The following HIBADH variants were observed in gnomAD, a reference collection of about 807,000 sequenced individuals.
HIBADH encodes the protein 3-hydroxyisobutyrate dehydrogenase, mitochondrial.
HIBADH carries 25 observed loss-of-function variants against 36.1 expected under a neutral mutation model. The ratio of observed to expected loss-of-function variants is 0.69; its 90% CI spans 0.50 to 0.97. The LOEUF (loss-of-function observed/expected upper bound fraction) is 0.97. Among genes scored for constraint, HIBADH ranks in the 50% least tolerant of loss-of-function variants. The pLI is 0.00. For synonymous variants in HIBADH, 160 were observed against 149.5 expected, an observed-to-expected ratio of 1.07 and a Z score of -0.51; for missense variants, 421 against 418.0, an observed-to-expected ratio of 1.01 and a Z score of -0.06.
intron 4 of HIBADH, 108 bp from the exon 5 acceptor site, chr7:27,543,208 C>G: frequency 9.0e-7 from 1 of 1,109,564 alleles, no homozygotes; most frequent in Admixed American, 2.2e-5. Flanking sequence ...TGCCTCCAAT[C>G]TGTATTTATG....
rs758334196 is a variant in HIBADH, at chr7:27,598,713, A to G, written c.484+30658T>C. ...ATAAAGGTCTCCAAACACTTTCCCA[A>G]AAAAGGGCCATATACCTAACACCAC... is the stretch of plus-strand genomic sequence containing the variant. On this transcript the variant is annotated intron_variant, in intron 4 of 7. Transcript: ENST00000265395. 7.6e-4 allele frequency among the ~76,000 whole-genome samples: 116 copies of G among 152,152 alleles called. 1 individual carries two copies. The highest frequency in any genetic ancestry group is 6.9e-4 in the Non-Finnish European group (47 of 68,016).
chr7:27,661,619 G>A (rs1050538845), intron 1 of HIBADH, among the ~76,000 whole-genome samples: 3 of 149,514 alleles, frequency 2.0e-5, no homozygotes, highest in Admixed American at 2.0e-4. Context: ...AGGGCGGGGG[G>A]CCAAGGGGCT....
chr7:27,546,278 G>T (rs1421958487), intron 4 of HIBADH, among the ~76,000 whole-genome samples: 1 of 151,714 alleles, frequency 6.6e-6, no homozygotes, highest in Non-Finnish European at 1.5e-5. Flanking sequence ...ATTTGTTTTT[G>T]TTGTTGTTGT....
At chr7:27,576,611 T>G (rs1410285311) in intron 4 of HIBADH, among the ~76,000 whole-genome samples, 2 of 152,206 alleles carry the variant, frequency 1.3e-5, no homozygotes, top group Admixed American at 6.5e-5. Context: ...AAGAACCTAT[T>G]TACCCTAAAT....
chr7:27,539,787 T>C (rs1784120900), intron 5 of HIBADH, among the ~76,000 whole-genome samples: 1 of 151,286 alleles, frequency 6.6e-6, no homozygotes, highest in South Asian at 2.1e-4. Flanking sequence ...GTCAATAACA[T>C]AAACAGTTGA....
intron 4 of HIBADH, among the ~76,000 whole-genome samples, chr7:27,614,182 T>C (rs73285195): frequency 0.011 from 1,632 of 152,324 alleles, 22 homozygotes; most frequent in African/African-American, 0.032. Context: ...AAACTTTTAA[T>C]GTAAGAACTT....
intron 4 of HIBADH, among the ~76,000 whole-genome samples, chr7:27,555,530 C>T (rs1340336090): frequency 1.6e-4 from 25 of 151,994 alleles, no homozygotes; most frequent in Admixed American, 1.6e-3. Flanking sequence ...CCCTCAGAAG[C>T]ACAATGAATT....
At chr7:27,566,633 A>G (rs1419119125) in intron 4 of HIBADH, among the ~76,000 whole-genome samples, 1 of 152,066 alleles carries the variant, frequency 6.6e-6, no homozygotes, top group Non-Finnish European at 1.5e-5. Context: ...TCACAATAGA[A>G]CTTAAATTAC....
intron 5 of HIBADH, among the ~76,000 whole-genome samples, chr7:27,539,794 T>C (rs137966774): frequency 6.7e-6 from 1 of 149,838 alleles, no homozygotes; most frequent in East Asian, 1.9e-4. Context: ...ACATAAACAG[T>C]TGATTAACAC....
intron 4 of HIBADH, among the ~76,000 whole-genome samples, chr7:27,582,743 G>A (rs1320801800): frequency 6.6e-6 from 1 of 152,074 alleles, no homozygotes; most frequent in East Asian, 1.9e-4. Context: ...GCTGCTCTTT[G>A]TGTCCGTATG....
intron 4 of HIBADH, among the ~76,000 whole-genome samples, chr7:27,547,541 A>G (rs968242249): frequency 2.0e-5 from 3 of 152,320 alleles, no homozygotes; most frequent in African/African-American, 7.2e-5. Context: ...AGGAGGCAAG[A>G]GAGAAGGAAA....
rs114226520 is a variant in HIBADH at position 27,617,424 on chromosome 7, T to C, written c.484+11947A>G. Among the ~76,000 whole-genome samples the C allele has an allele frequency of 7.4e-3, 1,126 of 152,324 alleles. 16 individuals carry two copies. Among genetic ancestry groups the C allele is most frequent in the African/African-American group, 0.026 (1,066 of 41,570 alleles). Reference sequence around the variant, plus strand: ...CATTTGATCTCAGCAGTCCTAACACTATAACAACTTATATTAAATTTTCAC... The same window carrying C: ...CATTTGATCTCAGCAGTCCTAACACCATAACAACTTATATTAAATTTTCAC... On this transcript the variant is annotated intron_variant, in intron 4 of 7. Transcript: ENST00000265395.
At chr7:27,624,033 G>C (rs1237705570) in intron 4 of HIBADH, among the ~76,000 whole-genome samples, 3 of 152,168 alleles carry the variant, frequency 2.0e-5, no homozygotes, top group African/African-American at 7.2e-5. Context: ...CCTGAGCTCA[G>C]GTGATCCACC....
In HIBADH at chr7:27,662,752, C is replaced by A; in HGVS notation, c.37G>T (p.Gly13Cys). The A allele has an allele frequency of 2.1e-6, 3 of 1,435,952 alleles. No homozygotes were observed. The highest frequency in any genetic ancestry group is 2.9e-5 in the Admixed American group (1 of 34,522). The allele number at this position is 1,435,952 out of a possible 1,614,324, so 89.0% of individuals were successfully genotyped here. A position where few individuals can be genotyped will look rare whatever the true frequency, so the allele number is the denominator to read the frequency against. Residue 13 changes from glycine to cysteine, a missense_variant, in exon 1 of 8, where the codon GGT (glycine) becomes TGT (cysteine). Coordinates refer to ENST00000265395, the MANE Select transcript of HIBADH (RefSeq NM_152740.4). ...ASLRLLGAAS[G>C]LRYWSRRLRP... ...AGCCGCCGGCTCCAGTACCGGAGAC[C>A]GGAGGCAGCTCCGAGGAGCCGTAAG...
chr7:27,577,500 T>TAA (rs1562628460), intron 4 of HIBADH, among the ~76,000 whole-genome samples: 1 of 152,170 alleles, frequency 6.6e-6, no homozygotes, highest in Non-Finnish European at 1.5e-5. Flanking sequence ...ACAAATCTTT[T>TAA]TAAAAGACCC....
At chr7:27,640,573 GTA>G (rs1481921308) in intron 2 of HIBADH, among the ~76,000 whole-genome samples, 1 of 152,108 alleles carries the variant, frequency 6.6e-6, no homozygotes, top group African/African-American at 2.4e-5. Context: ...TCTGCTAATC[GTA>G]TATATTCAAG....
At chr7:27,576,019 G>A (rs1442911842) in intron 4 of HIBADH, among the ~76,000 whole-genome samples, 1 of 152,118 alleles carries the variant, frequency 6.6e-6, no homozygotes, top group Non-Finnish European at 1.5e-5. Flanking sequence ...ATTGAATCAA[G>A]GCTGGAAAGC....
intron 6 of HIBADH, among the ~76,000 whole-genome samples, chr7:27,532,308 T>C (rs904401846): frequency 2.0e-5 from 3 of 152,170 alleles, no homozygotes; most frequent in East Asian, 1.9e-4. Flanking sequence ...TATGAAACAA[T>C]TGTCATAAAA....
At chr7:27,656,522 A>G (rs1393756133) in intron 1 of HIBADH, among the ~76,000 whole-genome samples, 1 of 152,212 alleles carries the variant, frequency 6.6e-6, no homozygotes, top group Non-Finnish European at 1.5e-5. Flanking sequence ...ATAAGTTATT[A>G]AGTGGAAAAA....
Sources: gnomAD v4.1 joint callset for allele counts (sites outside exome capture counted in the v4.1 genomes callset) on GRCh38, gnomAD v4.1.1 for gene constraint, MANE v1.5 for transcripts, NCBI Gene and HGNC (gene_info 2026-07-23, HGNC 2026-07-21) for gene names.